TMEM232: variants seen among roughly 807,000 people sequenced by gnomAD.
The protein encoded by TMEM232 is transmembrane protein 232.
TMEM232 carries 80 observed loss-of-function variants against 78.8 expected under a neutral mutation model. The observed-to-expected ratio is 1.01, with a 90% CI of 0.85 to 1.22. TMEM232 has a LOEUF of 1.22. TMEM232 is among the 50% of genes most tolerant of loss of function. TMEM232 has a pLI of 0.00. For synonymous variants in TMEM232, 297 were observed against 254.3 expected (o/e 1.17, Z -1.60); for missense variants, 881 against 742.2 (o/e 1.19, Z -2.17).
chr5:110,501,971 T>C (rs765330842), intron 12 of TMEM232, among the ~76,000 whole-genome samples: 8 of 152,192 alleles, frequency 5.3e-5, no homozygotes, highest in Non-Finnish European at 1.0e-4. Context: ...CTAGAAATTT[T>C]GTGATAATAA....
At chr5:110,559,747 G>A (rs1392705540) in intron 11 of TMEM232, among the ~76,000 whole-genome samples, 1 of 152,152 alleles carries the variant, frequency 6.6e-6, no homozygotes, top group Non-Finnish European at 1.5e-5. Flanking sequence ...GTGACTTAAA[G>A]AACAGAAGTT....
chr5:110,694,582 T>A (rs1393821841), intron 1 of TMEM232, among the ~76,000 whole-genome samples: 1 of 151,950 alleles, frequency 6.6e-6, no homozygotes, highest in Non-Finnish European at 1.5e-5. Flanking sequence ...GAGATACACA[T>A]AGGCTCAAAA....
chr5:110,591,031 A>C (rs1013250563), intron 10 of TMEM232, among the ~76,000 whole-genome samples: 1 of 152,260 alleles, frequency 6.6e-6, no homozygotes, highest in Non-Finnish European at 1.5e-5. Flanking sequence ...CAATCGGAGG[A>C]GATTTGGGTG....
chr5:110,701,122 T>C (rs1795399224), intron 1 of TMEM232, among the ~76,000 whole-genome samples: 1 of 151,954 alleles, frequency 6.6e-6, no homozygotes, highest in Non-Finnish European at 1.5e-5. Flanking sequence ...GAAAATGATT[T>C]TGGAAATGAC....
At position 110,412,742 on chromosome 5, in the gene TMEM232, G is replaced by A. The variant is rs1580578102; in HGVS notation, n.308+12081C>T. On this transcript the variant is annotated intron_variant and non_coding_transcript_variant, in intron 2 of 8. Coordinates refer to the TMEM232 transcript ENST00000507188. The stretch of plus-strand genomic sequence containing the variant: ...AATGTTTCAAATGGAAAGATACTAG[G>A]ACCCATTGTTATTTGATACTGTAAC... Among the ~76,000 whole-genome samples the A allele has an allele frequency of 3.9e-5, 6 of 152,028 alleles. No homozygotes were observed. In the South Asian group the frequency reaches 1.2e-3, roughly 32 times the overall value.
At chr5:110,707,493 C>A (rs948186527) in intron 1 of TMEM232, among the ~76,000 whole-genome samples, 5 of 152,194 alleles carry the variant, frequency 3.3e-5, no homozygotes, top group African/African-American at 9.7e-5. Context: ...ATCACCCATC[C>A]CAGCAGTTGG....
In TMEM232 at chr5:110,522,451, G is replaced by C. The variant is rs192426530; in HGVS notation, c.1703+6137C>G. On this transcript the variant is annotated intron_variant, in intron 12 of 13. Transcript: ENST00000455884. ...TATTCAAGCTAGGACTTCTTGTTTT[G>C]AACAGAAATAGCAAGAATGGAATCC... 2.0e-5 allele frequency among the ~76,000 whole-genome samples: 3 copies of C among 152,138 alleles called. No individual in the cohort carries two copies. The East Asian group carries it at 5.8e-4, about 29-fold the overall frequency.
chr5:110,565,371 T>C (rs1776214258), intron 11 of TMEM232, among the ~76,000 whole-genome samples: 1 of 151,918 alleles, frequency 6.6e-6, no homozygotes, highest in Non-Finnish European at 1.5e-5. Context: ...GAAGTAAAAA[T>C]ATGCCCAAGG....
chr5:110,520,231 G>T (rs1769306063), intron 12 of TMEM232, among the ~76,000 whole-genome samples: 1 of 151,774 alleles, frequency 6.6e-6, no homozygotes, highest in African/African-American at 2.4e-5. Flanking sequence ...ACTCTGATTT[G>T]ATCATTACAT....
chr5:110,551,093 C>A (rs1180228284), intron 11 of TMEM232, among the ~76,000 whole-genome samples: 1 of 151,998 alleles, frequency 6.6e-6, no homozygotes, highest in African/African-American at 2.4e-5. Flanking sequence ...ACTATTTTGC[C>A]TCTTAAGAAA....
At chr5:110,712,345 C>T (rs1796574652) in intron 1 of TMEM232, among the ~76,000 whole-genome samples, 1 of 151,944 alleles carries the variant, frequency 6.6e-6, no homozygotes, top group African/African-American at 2.4e-5. Flanking sequence ...AACTATCCAT[C>T]TGACAAGGGT....
intron 11 of TMEM232, among the ~76,000 whole-genome samples, chr5:110,555,186 T>C (rs1774928850): frequency 6.6e-6 from 1 of 152,194 alleles, no homozygotes; most frequent in African/African-American, 2.4e-5. Context: ...GCTTTAGCTA[T>C]GTTCTAGAGA....
chr5:110,565,663 C>G (rs1306782011), intron 11 of TMEM232, among the ~76,000 whole-genome samples: 1 of 151,990 alleles, frequency 6.6e-6, no homozygotes, highest in Non-Finnish European at 1.5e-5. Context: ...TTTAGCTACT[C>G]TCACCTACTG....
chr5:110,497,793 T>C (rs976989359), intron 12 of TMEM232, among the ~76,000 whole-genome samples: 1 of 152,128 alleles, frequency 6.6e-6, no homozygotes, highest in Admixed American at 6.6e-5. Context: ...CCCTTGGATA[T>C]GGGTCATATA....
chr5:110,450,776 A>ATCTT (rs944889165), intron 12 of TMEM232, among the ~76,000 whole-genome samples: 6 of 152,174 alleles, frequency 3.9e-5, no homozygotes, highest in Non-Finnish European at 8.8e-5. Flanking sequence ...GTTAATCAGA[A>ATCTT]TCTTTATTGT....
chr5:110,533,344 C>A (rs2149547230), intron 11 of TMEM232, among the ~76,000 whole-genome samples: 1 of 152,306 alleles, frequency 6.6e-6, no homozygotes, highest in Non-Finnish European at 1.5e-5. Context: ...ACCTCAATCC[C>A]TTACAAAACA....
chr5:110,431,135 G>C (rs901992533), intron 12 of TMEM232, among the ~76,000 whole-genome samples: 2 of 151,388 alleles, frequency 1.3e-5, no homozygotes, highest in African/African-American at 4.8e-5. Context: ...CAAGAGAAGT[G>C]AGCACCACAC....
rs115301076 is a variant in TMEM232, at chr5:110,508,686, G to A, written c.1703+19902C>T. Among the ~76,000 whole-genome samples, 811 of 150,272 alleles carry A rather than the reference G, an allele frequency of 5.4e-3. 8 individuals are homozygous for A. Among genetic ancestry groups the A allele is most frequent in the African/African-American group, 0.019 (768 of 41,152 alleles). ...ATGAACATTTTCATGTAAAGTTTCTGGTCAAGCTGTTTGTGCTGTTTCCCT... is the reference window on the plus strand; with the variant it reads ...ATGAACATTTTCATGTAAAGTTTCTAGTCAAGCTGTTTGTGCTGTTTCCCT... On this transcript the variant is annotated intron_variant, in intron 12 of 13. Coordinates refer to ENST00000455884, the MANE Select transcript of TMEM232 (RefSeq NM_001039763.4).
At chr5:110,497,023 G>GT (rs1200325723) in intron 12 of TMEM232, among the ~76,000 whole-genome samples, 7 of 151,914 alleles carry the variant, frequency 4.6e-5, no homozygotes, top group Non-Finnish European at 8.8e-5. Context: ...CTGATCAATA[G>GT]TAAATCAATT....
Sources: allele counts gnomAD v4.1 joint callset (sites outside exome capture counted in the v4.1 genomes callset), GRCh38; gene constraint gnomAD v4.1.1; transcripts MANE v1.5; gene names NCBI Gene and HGNC (gene_info 2026-07-23, HGNC 2026-07-21).